Variants in LINGO1 observed in about 807,000 individuals in gnomAD.
LINGO1 encodes leucine-rich repeat and immunoglobulin-like domain-containing nogo receptor-interacting protein 1.
In LINGO1, 11 loss-of-function variants were observed where a neutral mutation model predicts 37.3. The ratio of observed to expected loss-of-function variants is 0.29; its 90% CI spans 0.19 to 0.49. The LOEUF is 0.49. Ranked by LOEUF, LINGO1 falls within the 20% of genes least tolerant of loss-of-function variation. LINGO1 has a pLI of 0.99. For synonymous variants in LINGO1, 387 were observed against 403.0 expected, an observed-to-expected ratio of 0.96 and a Z score of 0.48; for missense variants, 585 against 878.2, an observed-to-expected ratio of 0.67 and a Z score of 4.22.
chr15:77,820,690 T>C (rs2077089407), upstream of LINGO1: 1 of 152,338 alleles, frequency 6.6e-6, no homozygotes, highest in Non-Finnish European at 1.5e-5. Flanking sequence ...GCTTCCATCA[T>C]TTCTGAGCCC....
intron 2 of LINGO1, among the ~76,000 whole-genome samples, chr15:77,689,242 T>C (rs2075562364): frequency 6.7e-6 from 1 of 150,344 alleles, no homozygotes; most frequent in Non-Finnish European, 1.5e-5. Context: ...CAAGGTCCCA[T>C]CCCATCACCA....
chr15:77,624,957 C>T (rs530954286), intron 1 of LINGO1, among the ~76,000 whole-genome samples: 77 of 152,212 alleles, frequency 5.1e-4, no homozygotes, highest in Non-Finnish European at 8.1e-4. Context: ...CCCCTCAAGG[C>T]CCCCAGCGCC....
intron 2 of LINGO1, among the ~76,000 whole-genome samples, chr15:77,707,054 G>C (rs2075861429): frequency 6.6e-6 from 1 of 152,248 alleles, no homozygotes; most frequent in Non-Finnish European, 1.5e-5. Flanking sequence ...AGAAGGACCT[G>C]CAACTACTGA....
chr15:77,820,356 C>T (rs925014850), upstream of LINGO1: 7 of 152,408 alleles, frequency 4.6e-5, no homozygotes, highest in African/African-American at 1.7e-4. Context: ...CGGGCGACGC[C>T]CTCTCCGCCG....
intron 2 of LINGO1, among the ~76,000 whole-genome samples, chr15:77,707,003 C>G (rs1002262195): frequency 2.0e-5 from 3 of 152,230 alleles, no homozygotes; most frequent in South Asian, 2.1e-4. Context: ...GGATGCCACA[C>G]GGATTCCCTG....
intron 1 of LINGO1, among the ~76,000 whole-genome samples, chr15:77,767,904 T>C (rs1442442560): frequency 1.3e-5 from 2 of 152,138 alleles, no homozygotes; most frequent in African/African-American, 4.8e-5. Context: ...CAATAGTTAA[T>C]GCCTGAAAAA....
At chr15:77,721,487 GC>G (rs1264327921) in intron 2 of LINGO1, among the ~76,000 whole-genome samples, 3 of 152,130 alleles carry the variant, frequency 2.0e-5, no homozygotes, top group Non-Finnish European at 4.4e-5. Context: ...CCCCACATCT[GC>G]CCCTTGGTGG....
At chr15:77,664,687 T>C (rs571158842) in intron 3 of LINGO1, among the ~76,000 whole-genome samples, 1 of 152,120 alleles carries the variant, frequency 6.6e-6, no homozygotes, top group African/African-American at 2.4e-5. Flanking sequence ...CAGGAGCCCC[T>C]ACCTGGTCCA....
chr15:77,702,259 C>T (rs143960387), intron 2 of LINGO1, among the ~76,000 whole-genome samples: 1 of 152,310 alleles, frequency 6.6e-6, no homozygotes, highest in African/African-American at 2.4e-5. Context: ...CCTAGTCATC[C>T]TGTCTGCAAC....
intron 1 of LINGO1, among the ~76,000 whole-genome samples, chr15:77,629,989 G>A (rs1345773514): frequency 1.3e-5 from 2 of 152,090 alleles, no homozygotes; most frequent in African/African-American, 2.4e-5. Flanking sequence ...GCCAAGCCAG[G>A]TGAGGATGGG....
intron 2 of LINGO1, among the ~76,000 whole-genome samples, chr15:77,688,862 A>G (rs1489120738): frequency 6.6e-6 from 1 of 152,222 alleles, no homozygotes; most frequent in African/African-American, 2.4e-5. Context: ...GCCACAAACC[A>G]ACTATGAGCT....
chr15:77,685,395 C>T (rs1013105291), intron 2 of LINGO1, among the ~76,000 whole-genome samples: 1 of 152,132 alleles, frequency 6.6e-6, no homozygotes, highest in African/African-American at 2.4e-5. Flanking sequence ...AGGGGACTAA[C>T]TGAGACAGTG....
intron 3 of LINGO1, among the ~76,000 whole-genome samples, chr15:77,660,883 G>A (rs1243834516): frequency 3.9e-5 from 6 of 152,212 alleles, no homozygotes; most frequent in Non-Finnish European, 8.8e-5. Flanking sequence ...AGGGATGGAT[G>A]GAGGGCTGCG....
At chr15:77,784,931 T>C (rs922045547) in intron 1 of LINGO1, 33 of 152,358 alleles carry the variant, frequency 2.2e-4, no homozygotes, top group Admixed American at 1.8e-3. Flanking sequence ...TACTTGGGTA[T>C]AGCTCTTCCA....
At chr15:77,638,959 G>A (rs907653981), upstream of LINGO1, among the ~76,000 whole-genome samples, 3 of 152,130 alleles carry the variant, frequency 2.0e-5, no homozygotes, top group Admixed American at 6.5e-5. Flanking sequence ...AAACAACTGT[G>A]GTTTCCATCT....
intron 1 of LINGO1, among the ~76,000 whole-genome samples, chr15:77,768,483 A>G (rs2076552265): frequency 6.6e-6 from 1 of 152,220 alleles, no homozygotes; most frequent in South Asian, 2.1e-4. Flanking sequence ...TAAGCAAATA[A>G]AGCAACAAAT....
At chr15:77,641,745 C>G (rs1596032952) in intron 3 of LINGO1, 1 of 416,352 alleles carries the variant, frequency 2.4e-6, no homozygotes, top group Non-Finnish European at 4.9e-6. Flanking sequence ...AGAGAAGAGG[C>G]CCAGAGACAC....
chr15:77,752,232 G>A (rs1701907601), intron 1 of LINGO1, among the ~76,000 whole-genome samples: 1 of 152,206 alleles, frequency 6.6e-6, no homozygotes, highest in Non-Finnish European at 1.5e-5. Flanking sequence ...TCTCCCCCAA[G>A]GTGGACTGCC....
At chr15:77,689,178 G>A (rs2075561233) in intron 2 of LINGO1, among the ~76,000 whole-genome samples, 2 of 151,986 alleles carry the variant, frequency 1.3e-5, no homozygotes, top group Admixed American at 1.3e-4. Flanking sequence ...AGCAGCAGAG[G>A]TGGAGGGCAA....
Sources: gnomAD v4.1 joint callset for allele counts (sites outside exome capture counted in the v4.1 genomes callset) on GRCh38, gnomAD v4.1.1 for gene constraint, MANE v1.5 for transcripts, NCBI Gene and HGNC (gene_info 2026-07-23, HGNC 2026-07-21) for gene names.